FAM185A: variants seen among roughly 807,000 people sequenced by gnomAD.
FAM185A encodes the protein protein FAM185A.
In FAM185A, 21 loss-of-function variants were observed where a neutral mutation model predicts 45.7. That is an observed-to-expected ratio of 0.46 (90% CI 0.33 to 0.66). The LOEUF (loss-of-function observed/expected upper bound fraction) is 0.66, where lower values mean the gene tolerates loss of function less well. FAM185A is among the 30% of genes least tolerant of loss of function. The pLI is 0.03. For synonymous variants in FAM185A, 117 were observed against 194.0 expected (o/e 0.60, Z 3.30); for missense variants, 305 against 485.4 (o/e 0.63, Z 3.49).
the FAM185A span, among the ~76,000 whole-genome samples, chr7:102,835,904 C>T: frequency 1.3e-5 from 2 of 152,254 alleles, no homozygotes; most frequent in East Asian, 1.9e-4. Flanking sequence ...CCACCGCGCC[C>T]GGCCCCGACA....
chr7:102,753,798 A>T (rs1793518936), intron 2 of FAM185A, among the ~76,000 whole-genome samples: 1 of 152,238 alleles, frequency 6.6e-6, no homozygotes, highest in African/African-American at 2.4e-5. Context: ...TCAGGTTTAT[A>T]AAAGTCCAAT....
At chr7:102,758,334 G>T (rs1254311813) in intron 3 of FAM185A, among the ~76,000 whole-genome samples, 1 of 149,264 alleles carries the variant, frequency 6.7e-6, no homozygotes, top group Non-Finnish European at 1.5e-5. Flanking sequence ...TTTTTACTTC[G>T]CCCTTAGGCA....
At chr7:102,833,977 C>T in the FAM185A span, among the ~76,000 whole-genome samples, 8 of 146,658 alleles carry the variant, frequency 5.5e-5, no homozygotes, top group Middle Eastern at 3.4e-3. Flanking sequence ...TAAACCTAAC[C>T]GTAATTGTAA....
At chr7:102,844,676 T>C in the FAM185A span, among the ~76,000 whole-genome samples, 8 of 152,310 alleles carry the variant, frequency 5.3e-5, no homozygotes, top group East Asian at 1.5e-3. Flanking sequence ...TGACCAATTC[T>C]GTGACACCAA....
At chr7:102,813,807 T>C (rs1797626563), downstream of FAM185A, among the ~76,000 whole-genome samples, 1 of 152,198 alleles carries the variant, frequency 6.6e-6, no homozygotes. Context: ...CACTGAGGCC[T>C]CTATTTATTT....
intron 5 of FAM185A, among the ~76,000 whole-genome samples, chr7:102,776,516 T>C (rs1024213668): frequency 2.6e-5 from 4 of 152,098 alleles, no homozygotes; most frequent in African/African-American, 7.2e-5. Flanking sequence ...ACCTGTTCAA[T>C]TCCAGAAACT....
rs1046468968 is a variant in FAM185A at position 102,779,851 on chromosome 7, T to A, written c.931+2503T>A. ...ACAGTTGTGCACCACCACACCCAGCTTTTTTTTTTTTTTTTTTTTTTTTTT... is the reference window on the plus strand; with the variant it reads ...ACAGTTGTGCACCACCACACCCAGCATTTTTTTTTTTTTTTTTTTTTTTTT... On this transcript the variant is annotated intron_variant, in intron 6 of 7. Transcript: ENST00000413034. 8.2e-3 allele frequency: 9 copies of A among 1,094 alleles called. No homozygotes were observed. The East Asian group carries it at 0.11, about 13-fold the overall frequency. 0.1% of individuals were successfully genotyped at this position (1,094 alleles called of 1,614,324 possible). A position where few individuals can be genotyped will look rare whatever the true frequency, so the allele number is the denominator to read the frequency against.
the FAM185A span, chr7:102,832,868 G>A: frequency 6.2e-7 from 1 of 1,614,214 alleles, no homozygotes; most frequent in African/African-American, 1.3e-5. Flanking sequence ...GCTGAGAGAT[G>A]TGAGGTTAAT....
chr7:102,830,408 G>T, the FAM185A span, among the ~76,000 whole-genome samples: 2 of 152,176 alleles, frequency 1.3e-5, no homozygotes, highest in Non-Finnish European at 2.9e-5. Flanking sequence ...ATGAACGCAA[G>T]AATCTCTGTG....
chr7:102,789,131 C>T (rs1795997312), intron 7 of FAM185A, among the ~76,000 whole-genome samples: 1 of 152,116 alleles, frequency 6.6e-6, no homozygotes, highest in African/African-American at 2.4e-5. Context: ...AACTTTTTTA[C>T]TTTATTTATT....
chr7:102,834,081 GA>G, the FAM185A span, among the ~76,000 whole-genome samples: 3,633 of 83,026 alleles, frequency 0.044, 113 homozygotes, highest in African/African-American at 0.076. Flanking sequence ...AGGAAGGAAG[GA>G]AAGAAAAGAA....
At chr7:102,765,035 G>C (rs1794309263) in intron 4 of FAM185A, among the ~76,000 whole-genome samples, 1 of 152,214 alleles carries the variant, frequency 6.6e-6, no homozygotes, top group Non-Finnish European at 1.5e-5. Context: ...TCACAGATGA[G>C]GAAAACTAGA....
the FAM185A span, chr7:102,822,412 T>G: frequency 5.9e-6 from 4 of 674,224 alleles, no homozygotes; most frequent in Non-Finnish European, 1.1e-5. Context: ...AAGTCCCTCC[T>G]TATTTGCAGA....
At chr7:102,783,323 C>T (rs1795539219) in intron 6 of FAM185A, among the ~76,000 whole-genome samples, 1 of 152,160 alleles carries the variant, frequency 6.6e-6, no homozygotes, top group South Asian at 2.1e-4. Flanking sequence ...ACAGAACTCT[C>T]CACCCCAAAT....
chr7:102,770,745 A>G (rs1473154511), intron 4 of FAM185A, among the ~76,000 whole-genome samples: 1 of 152,170 alleles, frequency 6.6e-6, no homozygotes, highest in African/African-American at 2.4e-5. Context: ...GGGAACACTC[A>G]TACACTGTTG....
At chr7:102,815,757 G>T in the FAM185A span, among the ~76,000 whole-genome samples, 1 of 151,998 alleles carries the variant, frequency 6.6e-6, no homozygotes, top group African/African-American at 2.4e-5. Context: ...TAGATAACTG[G>T]TAAGAGGATA....
At chr7:102,821,881 A>C in the FAM185A span, among the ~76,000 whole-genome samples, 1 of 152,370 alleles carries the variant, frequency 6.6e-6, no homozygotes, top group Middle Eastern at 3.4e-3. Flanking sequence ...AGGCCGTTTT[A>C]GAACAACTCA....
chr7:102,823,956 A>G, the FAM185A span, among the ~76,000 whole-genome samples: 14 of 151,596 alleles, frequency 9.2e-5, no homozygotes, highest in African/African-American at 3.4e-4. Context: ...TTGATAAAAG[A>G]AAAAAAAAGG....
chr7:102,833,071 AATACAG>A, the FAM185A span: 3 of 1,313,772 alleles, frequency 2.3e-6, no homozygotes, highest in South Asian at 1.4e-5. Context: ...CAGTCCCTGA[AATACAG>A]ATGTTAGATC....
Sources: gnomAD v4.1 joint callset for allele counts (sites outside exome capture counted in the v4.1 genomes callset) on GRCh38, gnomAD v4.1.1 for gene constraint, MANE v1.5 for transcripts, NCBI Gene and HGNC (gene_info 2026-07-23, HGNC 2026-07-21) for gene names.